ZNF154: variants seen among roughly 807,000 people sequenced by gnomAD.
The protein encoded by ZNF154 is zinc finger protein 154 (pHZ-92).
Under a neutral mutation model 7.5 loss-of-function variants are expected in ZNF154, and 6 were observed. The observed-to-expected ratio is 0.80, with a 90% CI of 0.44 to 1.57. The LOEUF is 1.57. Among genes scored for constraint, ZNF154 ranks in the 40% most tolerant of loss-of-function variants. ZNF154 has a pLI of 0.01. For synonymous variants in ZNF154, 187 were observed against 185.9 expected (o/e 1.01, Z -0.05); for missense variants, 485 against 531.4 (o/e 0.91, Z 0.86).
rs1218871132 is a variant in ZNF154, at chr19:57,696,312, T to C, written c.*5323A>G. On this transcript the variant is annotated 3_prime_UTR_variant, in exon 3 of 3. Coordinates refer to ENST00000684351, the MANE Select transcript of ZNF154 (RefSeq NM_001085384.3). ...GGTCAGGGGGTTCTAAGAAGCCCCATTTCTCTTTCTCTTGTACCTTAAGAC... is the reference window on the plus strand; with the variant it reads ...GGTCAGGGGGTTCTAAGAAGCCCCACTTCTCTTTCTCTTGTACCTTAAGAC... Among the ~76,000 whole-genome samples the C allele has an allele frequency of 6.6e-6, 1 of 152,142 alleles. No individual in the cohort carries two copies.
At chr19:57,706,503 T>G (rs184597253) in intron 1 of ZNF154, among the ~76,000 whole-genome samples, 5 of 152,284 alleles carry the variant, frequency 3.3e-5, no homozygotes, top group Admixed American at 6.5e-5. Flanking sequence ...ATAAACACCC[T>G]AGGCCCCATC....
rs981485948 is a variant in ZNF154, at chr19:57,696,618, G to A, written c.*5017C>T. On this transcript the variant is annotated 3_prime_UTR_variant, in exon 3 of 3. Transcript: ENST00000684351. ...AAGTGCTGCAAGCACCAAGACCCAG[G>A]GTGGTAACTTGCAGGGGGAGGCCAG... 6.6e-6 allele frequency among the ~76,000 whole-genome samples: 1 copy of A among 152,198 alleles called. No homozygotes were observed. The highest frequency in any genetic ancestry group is 1.5e-5 in the Non-Finnish European group (1 of 68,044).
At position 57,708,827 on chromosome 19, in the gene ZNF154, G is replaced by A. The variant is rs911234898; in HGVS notation, c.33+112C>T. 18 of 1,396,256 alleles carry A rather than the reference G, an allele frequency of 1.3e-5. No homozygotes were observed. In the Admixed American group the frequency reaches 3.2e-4, roughly 25 times the overall value. The allele number at this position is 1,396,256 out of a possible 1,614,324, so 86.5% of individuals were successfully genotyped here. A position where few individuals can be genotyped will look rare whatever the true frequency, so the allele number is the denominator to read the frequency against. ...CAAAAAAAGGGCCCCACCCACGAACGCCTCAGTGTCCCCGACCCTGGGCAG... is the reference window on the plus strand; with the variant it reads ...CAAAAAAAGGGCCCCACCCACGAACACCTCAGTGTCCCCGACCCTGGGCAG... On this transcript the variant is annotated intron_variant, in intron 1 of 2. Transcript: ENST00000684351.
At chr19:57,705,035 A>G (rs1600037694) in intron 1 of ZNF154, 56 bp from the exon 2 acceptor site, 2 of 1,561,494 alleles carry the variant, frequency 1.3e-6, no homozygotes, top group African/African-American at 1.4e-5. Flanking sequence ...AGGACCCACA[A>G]TGCATACCCC....
At chr19:57,708,002 C>A (rs73561404) in intron 1 of ZNF154, among the ~76,000 whole-genome samples, 1,999 of 152,242 alleles carry the variant, frequency 0.013, 45 homozygotes, top group African/African-American at 0.046. Flanking sequence ...ACCGAACACT[C>A]TCCACTTCCC....
Position 57,699,954 on chromosome 19 carries a change from C to G in ZNF154, c.*1681G>C, listed in dbSNP as rs1985054325. On this transcript the variant is annotated 3_prime_UTR_variant, in exon 3 of 3. Transcript: ENST00000684351. ...TGCCATTGCCCTCCAGACTGGGCAACAGAGCAAGACTCTGACTCAAAAAAA... is the reference window on the plus strand; with the variant it reads ...TGCCATTGCCCTCCAGACTGGGCAAGAGAGCAAGACTCTGACTCAAAAAAA... The G allele has an allele frequency of 6.6e-6, 1 of 151,844 alleles. No homozygotes were observed. The highest frequency in any genetic ancestry group is 1.5e-5 in the Non-Finnish European group (1 of 68,012). 9.4% of individuals were successfully genotyped at this position (151,844 alleles called of 1,614,324 possible).
rs1310503064 is a variant in ZNF154, at chr19:57,705,036, T to G, written c.34-57A>C. ...GAGCCCCTATCCCAAGGACCCACAA[T>G]GCATACCCCCACATCTTTACCCCAT... On this transcript the variant is annotated intron_variant, in intron 1 of 2. Coordinates refer to ENST00000684351, the MANE Select transcript of ZNF154 (RefSeq NM_001085384.3). 58 of 1,560,254 alleles carry G rather than the reference T, an allele frequency of 3.7e-5. No homozygotes were observed. The East Asian group carries it at 1.3e-3, about 35-fold the overall frequency.
rs1221588668 is a variant in ZNF154 at position 57,697,653 on chromosome 19, A to G, written c.*3982T>C. 6.6e-6 allele frequency: 1 copy of G among 152,216 alleles called. No individual in the cohort carries two copies. Among genetic ancestry groups the G allele is most frequent in the African/African-American group, 2.4e-5 (1 of 41,456 alleles). The allele number at this position is 152,216 out of a possible 1,614,324, so 9.4% of individuals were successfully genotyped here. A position where few individuals can be genotyped will look rare whatever the true frequency, so the allele number is the denominator to read the frequency against. On this transcript the variant is annotated 3_prime_UTR_variant, in exon 3 of 3. Transcript: ENST00000684351. ...TTTAAAATTGCATTCTGAAGAGGCT[A>G]TGCATTAAATAATATGATATCCGGG...
In ZNF154 at chr19:57,698,238, T is replaced by G. The variant is rs1020713482; in HGVS notation, c.*3397A>C. 8 of 152,242 alleles carry G rather than the reference T, an allele frequency of 5.3e-5. No individual in the cohort carries two copies. Among genetic ancestry groups the G allele is most frequent in the African/African-American group, 1.2e-4 (5 of 41,548 alleles). The allele number at this position is 152,242 out of a possible 1,614,324, so 9.4% of individuals were successfully genotyped here. ...TTCAATCATATAAAATTCTAGCAAA[T>G]GAAAACTAATGTATTATAATGGAAA... On this transcript the variant is annotated 3_prime_UTR_variant, in exon 3 of 3. Coordinates refer to ENST00000684351, the MANE Select transcript of ZNF154 (RefSeq NM_001085384.3).
At position 57,699,440 on chromosome 19, in the gene ZNF154, G is replaced by A. The variant is rs11882011; in HGVS notation, c.*2195C>T. On this transcript the variant is annotated 3_prime_UTR_variant, in exon 3 of 3. Coordinates refer to ENST00000684351, the MANE Select transcript of ZNF154 (RefSeq NM_001085384.3). ...TCGTAAAGCAGCAGAGACAACTCACGATATAAACACATTTGGCCCAGGAAC... is the reference window on the plus strand; with the variant it reads ...TCGTAAAGCAGCAGAGACAACTCACAATATAAACACATTTGGCCCAGGAAC... The A allele has an allele frequency of 0.44, 146,734 of 331,094 alleles. 33,858 individuals carry two copies. The highest frequency in any genetic ancestry group is 0.57 in the East Asian group (6,247 of 10,922). 20.5% of individuals were successfully genotyped at this position (331,094 alleles called of 1,614,324 possible).
In ZNF154 at chr19:57,701,717, T is replaced by C. The variant is rs766966512; in HGVS notation, c.1232A>G (p.Lys411Arg). 6 of 1,613,586 alleles carry C rather than the reference T, an allele frequency of 3.7e-6. No homozygotes were observed. The highest frequency in any genetic ancestry group is 1.7e-5 in the Admixed American group (1 of 59,968). The change falls in exon 3 of 3, where the codon AAG becomes AGG. Residue 411 changes from lysine (K) to arginine (R), a missense_variant. By Grantham distance (26) the Lys-to-Arg change is conservative (BLOSUM62 2). Coordinates refer to ENST00000684351, the MANE Select transcript of ZNF154 (RefSeq NM_001085384.3). ...IKHRRVHTGE[K>R]PYECTECGKS... ...CCCACATTCCGTGCACTCATAAGGC[T>C]TCTCCCCAGTGTGAACCCTCCTGTG...
Position 57,709,133 on chromosome 19 carries a change from G to T in ZNF154, c.-162C>A. 1 of 933,522 alleles carries T rather than the reference G, an allele frequency of 1.1e-6. No individual in the cohort carries two copies. Among genetic ancestry groups the T allele is most frequent in the Non-Finnish European group, 1.6e-6 (1 of 614,976 alleles). 57.8% of individuals were successfully genotyped at this position (933,522 alleles called of 1,614,324 possible). Reference sequence around the variant, plus strand: ...GGACGACGACTCCCCTCACGCCTTCGTGGCCCCAACTCGGCGCTCTGCTAT... The same window carrying T: ...GGACGACGACTCCCCTCACGCCTTCTTGGCCCCAACTCGGCGCTCTGCTAT... On this transcript the variant is annotated 5_prime_UTR_variant, in exon 1 of 3. Coordinates refer to ENST00000684351, the MANE Select transcript of ZNF154 (RefSeq NM_001085384.3).
In ZNF154 at chr19:57,699,704, G is replaced by T. The variant is rs930599943; in HGVS notation, c.*1931C>A. ...TGAAAAAGCTTGGCTGGGCGCAGTG[G>T]CTCATGCCTGTAAATCCCAGCACTT... On this transcript the variant is annotated 3_prime_UTR_variant, in exon 3 of 3. Transcript: ENST00000684351. 4 of 157,272 alleles carry T rather than the reference G, an allele frequency of 2.5e-5. No individual in the cohort carries two copies. The Admixed American group carries it at 2.6e-4, about 10-fold the overall frequency. The allele number at this position is 157,272 out of a possible 1,614,324, so 9.7% of individuals were successfully genotyped here.
chr19:57,698,381 C>A lies in ZNF154; in HGVS notation c.*3254G>T, dbSNP rs1363618023. 6.6e-6 allele frequency: 1 copy of A among 152,182 alleles called. No homozygotes were observed. Among genetic ancestry groups the A allele is most frequent in the African/African-American group, 2.4e-5 (1 of 41,442 alleles). 9.4% of individuals were successfully genotyped at this position (152,182 alleles called of 1,614,324 possible). ...CAACTTCTTCCTAATCATTTCACTA[C>A]ATTTTATTTTCTACATTCTTGAGGT... On this transcript the variant is annotated 3_prime_UTR_variant, in exon 3 of 3. Transcript: ENST00000684351.
chr19:57,707,911 A>G (rs1359913132), intron 1 of ZNF154, among the ~76,000 whole-genome samples: 1 of 152,224 alleles, frequency 6.6e-6, no homozygotes, highest in East Asian at 1.9e-4. Context: ...CCAGGGCACC[A>G]GACCCAGGAT....
rs1323229900 is a variant in ZNF154 at position 57,697,301 on chromosome 19, A to G, written c.*4334T>C. The G allele has an allele frequency of 6.6e-6, 1 of 152,226 alleles. No individual in the cohort carries two copies. The highest frequency in any genetic ancestry group is 1.5e-5 in the Non-Finnish European group (1 of 68,042). 9.4% of individuals were successfully genotyped at this position (152,226 alleles called of 1,614,324 possible). On this transcript the variant is annotated 3_prime_UTR_variant, in exon 3 of 3. Transcript: ENST00000684351. ...ACCTGTCTGCTGGGACAAAATCTCA[A>G]TCACCGATTTCATCAACATCTAGTG... is the stretch of plus-strand genomic sequence containing the variant.
rs754798055 is a variant in ZNF154 at position 57,697,869 on chromosome 19, G to T, written c.*3766C>A. 8.5e-5 allele frequency: 13 copies of T among 152,066 alleles called. No homozygotes were observed. Among genetic ancestry groups the T allele is most frequent in the Non-Finnish European group, 1.6e-4 (11 of 68,004 alleles). The allele number at this position is 152,066 out of a possible 1,614,324, so 9.4% of individuals were successfully genotyped here. A position where few individuals can be genotyped will look rare whatever the true frequency, so the allele number is the denominator to read the frequency against. On this transcript the variant is annotated 3_prime_UTR_variant, in exon 3 of 3. Coordinates refer to ENST00000684351, the MANE Select transcript of ZNF154 (RefSeq NM_001085384.3). ...GTAACAGGAGACAAAATATGTCATT[G>T]TACCAGTAATTTTACACAATGAAAA...
chr19:57,708,028 C>T (rs992742349), intron 1 of ZNF154, among the ~76,000 whole-genome samples: 4 of 152,136 alleles, frequency 2.6e-5, no homozygotes, highest in African/African-American at 7.2e-5. Flanking sequence ...GAGTTCCATA[C>T]GCCCTTCTAC....
chr19:57,709,032 C>G lies in ZNF154; in HGVS notation c.-61G>C, dbSNP rs1985521194. The stretch of plus-strand genomic sequence containing the variant: ...GGCGACATTGGTAGGGACCCGGGGA[C>G]AGCGGTCCCTATCCCAGGCCTGACG... On this transcript the variant is annotated 5_prime_UTR_variant, in exon 1 of 3. Coordinates refer to ENST00000684351, the MANE Select transcript of ZNF154 (RefSeq NM_001085384.3). The G allele has an allele frequency of 1.9e-6, 3 of 1,548,256 alleles. No individual in the cohort carries two copies. Among genetic ancestry groups the G allele is most frequent in the African/African-American group, 1.4e-5 (1 of 72,950 alleles).
Sources: allele counts gnomAD v4.1 joint callset (sites outside exome capture counted in the v4.1 genomes callset), GRCh38; gene constraint gnomAD v4.1.1; transcripts MANE v1.5; gene names NCBI Gene and HGNC (gene_info 2026-07-23, HGNC 2026-07-21).